The following WASHC2C variants were observed in gnomAD, a reference collection of about 807,000 sequenced individuals.
WASHC2C encodes Vaccinia Penetration Factor.
A neutral mutation model predicts 142.2 loss-of-function variants in WASHC2C; 73 were observed. That is an observed-to-expected ratio of 0.51 (90% confidence interval 0.43 to 0.62). The LOEUF is 0.62. Ranked by LOEUF, WASHC2C falls within the 20% of genes least tolerant of loss-of-function variation. The pLI is 0.00. For synonymous variants in WASHC2C, 337 were observed against 565.5 expected, an observed-to-expected ratio of 0.60 and a Z score of 5.73; for missense variants, 969 against 1,531.7, an observed-to-expected ratio of 0.63 and a Z score of 6.13.
At chr10:45,732,676 A>G (rs1309809901) in intron 3 of WASHC2C, among the ~76,000 whole-genome samples, 2 of 152,210 alleles carry the variant, frequency 1.3e-5, no homozygotes, top group African/African-American at 4.8e-5. Context: ...GACCTTGGCA[A>G]TGACCTTGAG....
intron 24 of WASHC2C, 43 bp from the exon 25 acceptor site, chr10:45,784,778 T>C: frequency 6.3e-7 from 1 of 1,595,746 alleles, no homozygotes; most frequent in Non-Finnish European, 8.6e-7. Flanking sequence ...CTTTGTAAAT[T>C]GTTTTGCTTT....
intron 20 of WASHC2C, among the ~76,000 whole-genome samples, chr10:45,771,350 G>A (rs2056562810): frequency 7.9e-6 from 1 of 125,840 alleles, no homozygotes; most frequent in Non-Finnish European, 1.6e-5. Flanking sequence ...GGGCAACAGA[G>A]AGAGACTCCA....
At chr10:45,780,834 AC>A (rs1172842985) in intron 23 of WASHC2C, among the ~76,000 whole-genome samples, 1 of 151,490 alleles carries the variant, frequency 6.6e-6, no homozygotes, top group Non-Finnish European at 1.5e-5. Flanking sequence ...GCTCACTGCA[AC>A]CTTTGCCTCC....
At chr10:45,770,822 C>A (rs2135387209) in intron 20 of WASHC2C, among the ~76,000 whole-genome samples, 1 of 152,274 alleles carries the variant, frequency 6.6e-6, no homozygotes, top group Non-Finnish European at 1.5e-5. Context: ...CCCTGTGCCT[C>A]AATTTCCTCA....
At chr10:45,792,228 T>G in intron 30 of WASHC2C, 33 bp from the exon 31 acceptor site, 1 of 1,563,658 alleles carries the variant, frequency 6.4e-7, no homozygotes, top group East Asian at 2.2e-5. Flanking sequence ...TCCACCCCTC[T>G]TCAGCAACTG....
chr10:45,755,926 C>A (rs1245418804), intron 15 of WASHC2C, among the ~76,000 whole-genome samples: 3 of 152,244 alleles, frequency 2.0e-5, no homozygotes, highest in Non-Finnish European at 4.4e-5. Context: ...TGTCTGGACT[C>A]ACTCTCTTCC....
At chr10:45,749,855 A>T (rs1419850804) in intron 8 of WASHC2C, among the ~76,000 whole-genome samples, 1 of 132,064 alleles carries the variant, frequency 7.6e-6, no homozygotes, top group Non-Finnish European at 1.6e-5. Context: ...ATATATATAT[A>T]TTTATATATA....
chr10:45,737,105 A>G lies in WASHC2C; in HGVS notation c.292-878A>G, dbSNP rs1358530750. Among the ~76,000 whole-genome samples the G allele has an allele frequency of 7.3e-4, 107 of 147,114 alleles. 1 individual carries two copies. Among genetic ancestry groups the G allele is most frequent in the Non-Finnish European group, 9.0e-5 (6 of 66,336 alleles). ...GAGTTCCTCCTGACTAAGCCCCACA[A>G]GTAGCTGGAATTACAGGTGCACACC... is the stretch of plus-strand genomic sequence containing the variant. On this transcript the variant is annotated intron_variant, in intron 3 of 30. Transcript: ENST00000623400.
intron 3 of WASHC2C, among the ~76,000 whole-genome samples, chr10:45,736,906 T>C (rs1282215847): frequency 6.6e-6 from 1 of 152,146 alleles, no homozygotes; most frequent in Non-Finnish European, 1.5e-5. Context: ...ACGGCCACTG[T>C]CTAATGCCAG....
At chr10:45,769,345 G>C (rs1467035665) in intron 19 of WASHC2C, 104 bp from the exon 20 acceptor site, 75 of 1,444,282 alleles carry the variant, frequency 5.2e-5, no homozygotes, top group South Asian at 7.5e-5. Flanking sequence ...GTCTTGATCT[G>C]CTGATCTCGT....
chr10:45,727,710 C>T (rs929453026), intron 2 of WASHC2C, among the ~76,000 whole-genome samples, 171 bp downstream of exon 2: 18 of 152,166 alleles, frequency 1.2e-4, no homozygotes, highest in African/African-American at 4.1e-4. Context: ...CCCCGGCCAC[C>T]AGGGAGAGGG....
intron 8 of WASHC2C, among the ~76,000 whole-genome samples, chr10:45,749,480 G>A (rs1198996471): frequency 2.0e-5 from 3 of 150,868 alleles, no homozygotes; most frequent in Non-Finnish European, 2.9e-5. Flanking sequence ...AGCCATTTTT[G>A]ATATTTTAAT....
Position 45,754,947 on chromosome 10 carries a change from G to A in WASHC2C, c.1252G>A (p.Val418Met), listed in dbSNP as rs186054038. The A allele has an allele frequency of 3.1e-6, 5 of 1,611,994 alleles. No individual in the cohort carries two copies. The African/African-American group carries it at 4.0e-5, about 13-fold the overall frequency. Residue 418 changes from valine (V) to methionine (M), a missense_variant, in exon 15 of 31, where the codon GTG becomes ATG. By Grantham distance (21) the Val-to-Met change is conservative. Coordinates refer to ENST00000623400, the MANE Select transcript of WASHC2C (RefSeq NM_001330074.2). ...CCCTTCACTCACAGGAGACACGGATGTGTTTGGTGCTGCCTCCGTTCCATC... is the reference window on the plus strand; with the variant it reads ...CCCTTCACTCACAGGAGACACGGATATGTTTGGTGCTGCCTCCGTTCCATC... ...AVSVFLGDTD[V>M]FGAASVPSLK... is the part of the protein sequence containing the mutation.
chr10:45,786,719 A>G lies in WASHC2C; in HGVS notation c.2874+45A>G, dbSNP rs565573147. 119 of 1,611,752 alleles carry G rather than the reference A, an allele frequency of 7.4e-5. 2 individuals carry two copies. In the South Asian group the frequency reaches 8.9e-4, roughly 12 times the overall value. ...CTTCATTGCCTGCCCTGTGGCATCT[A>G]TAAACTTTTTTGGGTTTCCTACTCT... On this transcript the variant is annotated intron_variant, in intron 27 of 30. Coordinates refer to ENST00000623400, the MANE Select transcript of WASHC2C (RefSeq NM_001330074.2).
chr10:45,769,396 G>C, intron 19 of WASHC2C, 53 bp from the exon 20 acceptor site: 1 of 1,515,094 alleles, frequency 6.6e-7, no homozygotes, highest in Non-Finnish European at 9.0e-7. Flanking sequence ...GGGATTATAG[G>C]TATGAGCCAC....
chr10:45,792,040 G>A (rs1279229158), intron 30 of WASHC2C, among the ~76,000 whole-genome samples: 1 of 144,682 alleles, frequency 6.9e-6, no homozygotes, highest in East Asian at 1.9e-4. Flanking sequence ...CACTTTTGTA[G>A]CTGAAGAAAT....
chr10:45,764,756 G>A (rs553130442), intron 18 of WASHC2C, among the ~76,000 whole-genome samples: 1 of 152,382 alleles, frequency 6.6e-6, no homozygotes, highest in Non-Finnish European at 1.5e-5. Flanking sequence ...CAGTGAGTAG[G>A]GTCACTGTGG....
chr10:45,739,822 T>C (rs1328698558), intron 4 of WASHC2C, among the ~76,000 whole-genome samples: 27 of 151,998 alleles, frequency 1.8e-4, no homozygotes, highest in African/African-American at 6.3e-4. Flanking sequence ...TCTGCTTTTG[T>C]AGACGATGAC....
chr10:45,752,468 G>A, intron 11 of WASHC2C, 120 bp from the exon 12 acceptor site: 1 of 800,266 alleles, frequency 1.2e-6, no homozygotes, highest in Non-Finnish European at 2.2e-6. Flanking sequence ...CTCACACTTT[G>A]TTAAATAGTG....
Sources: allele counts gnomAD v4.1 joint callset (sites outside exome capture counted in the v4.1 genomes callset), GRCh38; gene constraint gnomAD v4.1.1; transcripts MANE v1.5; gene names NCBI Gene and HGNC (gene_info 2026-07-23, HGNC 2026-07-21).